PCDHGB5: variants seen among roughly 807,000 people sequenced by gnomAD.
PCDHGB5 encodes protocadherin gamma subfamily B, 5.
PCDHGB5 carries 48 observed loss-of-function variants against 62.9 expected under a neutral mutation model. The observed-to-expected ratio is 0.76, with a 90% CI of 0.61 to 0.97. The LOEUF is 0.97. Among genes scored for constraint, PCDHGB5 ranks in the 50% least tolerant of loss-of-function variants. The probability of loss-of-function intolerance (pLI) is 0.00; values close to 1 mark genes in which losing one functional copy is unlikely to be tolerated. For missense variants in PCDHGB5, 1,118 were observed against 1,198.6 expected (o/e 0.93, Z 0.99); for synonymous variants, 474 against 511.2 (o/e 0.93, Z 0.98).
chr5:141,444,093 G>A (rs531514787), intron 1 of PCDHGB5, among the ~76,000 whole-genome samples: 1 of 147,730 alleles, frequency 6.8e-6, no homozygotes, highest in East Asian at 2.0e-4. Flanking sequence ...GTCTGCTAAG[G>A]ATTGGAAACC....
rs761189685 is a variant in PCDHGB5 at position 141,404,203 on chromosome 5, A to G, written c.2397+3679A>G. On this transcript the variant is annotated intron_variant, in intron 1 of 3. Coordinates refer to ENST00000617380, the MANE Select transcript of PCDHGB5 (RefSeq NM_018925.3). Reference sequence around the variant, plus strand: ...TTCTTGACCGAGAAAAAGCCTCAGAATATAATATCACGGTGACTGCAACAG... The same window carrying G: ...TTCTTGACCGAGAAAAAGCCTCAGAGTATAATATCACGGTGACTGCAACAG... 11 of 1,613,806 alleles carry G rather than the reference A, an allele frequency of 6.8e-6. No individual in the cohort carries two copies. In the South Asian group the frequency reaches 1.2e-4, roughly 18 times the overall value.
In PCDHGB5 at chr5:141,476,628, C is replaced by T. The variant is rs899753438; in HGVS notation, c.2398-18179C>T. 6.2e-6 allele frequency: 10 copies of T among 1,614,160 alleles called. No individual in the cohort carries two copies. The highest frequency in any genetic ancestry group is 7.6e-6 in the Non-Finnish European group (9 of 1,180,068). On this transcript the variant is annotated intron_variant, in intron 1 of 3. Coordinates refer to ENST00000617380, the MANE Select transcript of PCDHGB5 (RefSeq NM_018925.3). The surrounding 1 kb of genome is among the most constrained non-coding windows in gnomAD (Gnocchi z 7.6). ...GATGTGGGAAGCAACTCTTTACAAACCTATGAGCTGAGCCGAAATGAATAC... is the reference window on the plus strand; with the variant it reads ...GATGTGGGAAGCAACTCTTTACAAATCTATGAGCTGAGCCGAAATGAATAC...
chr5:141,421,634 A>G (rs771759412), intron 1 of PCDHGB5: 12 of 1,613,714 alleles, frequency 7.4e-6, no homozygotes, highest in South Asian at 1.1e-5. Context: ...AGCTTCCAGG[A>G]GGACGAAGTG....
intron 1 of PCDHGB5, chr5:141,427,797 G>T: frequency 6.6e-7 from 1 of 1,505,306 alleles, no homozygotes; most frequent in Non-Finnish European, 9.1e-7. Flanking sequence ...CTACGTGTCC[G>T]TGAGCGCACA....
At chr5:141,472,884 G>A (rs1426207609) in intron 1 of PCDHGB5, among the ~76,000 whole-genome samples, 2 of 151,610 alleles carry the variant, frequency 1.3e-5, no homozygotes, top group African/African-American at 4.8e-5. Flanking sequence ...TACTCGGGAG[G>A]CTGAGGCAGG....
Position 141,491,795 on chromosome 5 carries a change from C to T in PCDHGB5, c.2398-3012C>T. On this transcript the variant is annotated intron_variant, in intron 1 of 3. Coordinates refer to ENST00000617380, the MANE Select transcript of PCDHGB5 (RefSeq NM_018925.3). This position sits in a 1 kb window ranked among gnomAD's most constrained non-coding sequence, Gnocchi z 6.9. ...GGATTGAACTTGCATCCACTCCTCT[C>T]CGGCCGGCTTGGTCGCTGGCTGCGC... 6 of 1,511,694 alleles carry T rather than the reference C, an allele frequency of 4.0e-6. No individual in the cohort carries two copies. Among genetic ancestry groups the T allele is most frequent in the Non-Finnish European group, 5.3e-6 (6 of 1,130,430 alleles). 93.6% of individuals were successfully genotyped at this position (1,511,694 alleles called of 1,614,324 possible).
At chr5:141,494,644 G>A in intron 1 of PCDHGB5, 163 bp from the exon 2 acceptor site, 1 of 933,684 alleles carries the variant, frequency 1.1e-6, no homozygotes. Flanking sequence ...TGAGACCTGA[G>A]GTGTATTTTG....
At chr5:141,502,710 C>T (rs2099815750) in intron 2 of PCDHGB5, among the ~76,000 whole-genome samples, 1 of 152,168 alleles carries the variant, frequency 6.6e-6, no homozygotes, top group South Asian at 2.1e-4. Context: ...GTTTTTACAT[C>T]AGTGATTACA....
intron 1 of PCDHGB5, among the ~76,000 whole-genome samples, chr5:141,453,176 C>T (rs1225418058): frequency 6.6e-6 from 1 of 152,042 alleles, no homozygotes; most frequent in Non-Finnish European, 1.5e-5. Flanking sequence ...TCCAGTGGTA[C>T]AATCACAGCT....
chr5:141,413,721 C>T (rs779673406), intron 1 of PCDHGB5: 1 of 1,613,592 alleles, frequency 6.2e-7, no homozygotes, highest in South Asian at 1.1e-5. Context: ...ATAAGCACTT[C>T]TCCCTAAGAG....
intron 1 of PCDHGB5, among the ~76,000 whole-genome samples, chr5:141,434,746 C>T (rs1591345130): frequency 6.6e-6 from 1 of 151,796 alleles, no homozygotes; most frequent in South Asian, 2.1e-4. Context: ...GGCTATGAGA[C>T]CCCTGATTCC....
chr5:141,431,932 C>T lies in PCDHGB5; in HGVS notation c.2397+31408C>T. 2 of 1,614,172 alleles carry T rather than the reference C, an allele frequency of 1.2e-6. No individual in the cohort carries two copies. The highest frequency in any genetic ancestry group is 1.7e-6 in the Non-Finnish European group (2 of 1,180,002). On this transcript the variant is annotated intron_variant, in intron 1 of 3. Coordinates refer to ENST00000617380, the MANE Select transcript of PCDHGB5 (RefSeq NM_018925.3). This position sits in a 1 kb window ranked among gnomAD's most constrained non-coding sequence, Gnocchi z 4.8. The stretch of plus-strand genomic sequence containing the variant: ...TCTGTTTCATCCAAGGAAATCTGCC[C>T]TTTAAATTAGAAAAATCTTACGGAA...
At chr5:141,409,052 A>C in intron 1 of PCDHGB5, 2 of 1,614,050 alleles carry the variant, frequency 1.2e-6, no homozygotes, top group African/African-American at 1.3e-5. Context: ...CTTCCGAAGC[A>C]CTGCCCAGAG....
rs2093998591 is a variant in PCDHGB5 at position 141,400,298 on chromosome 5, A to G, written c.2171A>G (p.Gln724Arg). 1 of 1,613,974 alleles carries G rather than the reference A, an allele frequency of 6.2e-7. No homozygotes were observed. Among genetic ancestry groups the G allele is most frequent in the Non-Finnish European group, 8.5e-7 (1 of 1,179,864 alleles). ...AGCCCTGCCGCCTGGAGCTGCTTCC[A>G]ACCTGGTCTCTGTGTCAAGTCTGGA... ...SSSPAAWSCF[Q>R]PGLCVKSGPV... Residue 724 changes from glutamine (Q) to arginine (R), a missense_variant, in exon 1 of 4, where the codon CAA becomes CGA. By Grantham distance (43) the Gln-to-Arg change is conservative. Coordinates refer to ENST00000617380, the MANE Select transcript of PCDHGB5 (RefSeq NM_018925.3).
At chr5:141,427,529 G>A (rs1464520351) in intron 1 of PCDHGB5, 1 of 619,898 alleles carries the variant, frequency 1.6e-6, no homozygotes, top group African/African-American at 1.8e-5. Context: ...GGATCCCGGA[G>A]TACAACGTCA....
chr5:141,484,004 G>C (rs1042457090), intron 1 of PCDHGB5, among the ~76,000 whole-genome samples: 5 of 146,164 alleles, frequency 3.4e-5, no homozygotes, highest in Non-Finnish European at 4.5e-5. Flanking sequence ...AGGTCTGGAT[G>C]AGGGTGGGGG....
chr5:141,409,038 A>G (rs571756448), intron 1 of PCDHGB5: 9 of 1,614,026 alleles, frequency 5.6e-6, no homozygotes, highest in Non-Finnish European at 7.6e-6. Flanking sequence ...GAGATAAACT[A>G]CTACTTCCGA....
chr5:141,494,661 G>A, intron 1 of PCDHGB5, 146 bp from the exon 2 acceptor site: 2 of 1,492,976 alleles, frequency 1.3e-6, no homozygotes, highest in Non-Finnish European at 1.8e-6. Context: ...TTTGTCTTTG[G>A]AGATGAGTCC....
chr5:141,421,058 A>G, intron 1 of PCDHGB5: 2 of 577,316 alleles, frequency 3.5e-6, no homozygotes, highest in Non-Finnish European at 3.0e-6. Context: ...TCTACCACAC[A>G]AAGCGGAATG....
Sources: allele counts gnomAD v4.1 joint callset (sites outside exome capture counted in the v4.1 genomes callset), GRCh38; gene constraint gnomAD v4.1.1; non-coding constraint Gnocchi (gnomAD v3.1); transcripts MANE v1.5; gene names NCBI Gene and HGNC (gene_info 2026-07-23, HGNC 2026-07-21).